MAGI2: variants seen among roughly 807,000 people sequenced by gnomAD.
MAGI2 encodes the protein membrane associated guanylate kinase, WW and PDZ domain containing 2.
MAGI2 carries 35 observed loss-of-function variants against 133.3 expected under a neutral mutation model. The ratio of observed to expected loss-of-function variants is 0.26; its 90% CI spans 0.20 to 0.35. The LOEUF (loss-of-function observed/expected upper bound fraction) is 0.35. MAGI2 is among the 10% of genes least tolerant of loss of function. MAGI2 has a pLI of 1.00. For synonymous variants in MAGI2, 729 were observed against 710.6 expected (o/e 1.03, Z -0.41); for missense variants, 1,636 against 1,863.4 (o/e 0.88, Z 2.25).
chr7:78,465,772 T>C (rs1453438605), intron 6 of MAGI2, among the ~76,000 whole-genome samples: 2 of 152,182 alleles, frequency 1.3e-5, no homozygotes, highest in East Asian at 3.9e-4. Context: ...AAATATTAGC[T>C]AGCTCCATCA....
rs186531983 is a variant in MAGI2, at chr7:78,432,126, A to G, written c.1045+57635T>C. Among the ~76,000 whole-genome samples the G allele has an allele frequency of 2.5e-3, 374 of 151,592 alleles. 2 individuals carry two copies. Among genetic ancestry groups the G allele is most frequent in the African/African-American group, 8.7e-3 (359 of 41,416 alleles). Reference sequence around the variant, plus strand: ...AGTAGGTTTAAATATTAAATTATTAATTTTTTTTATCTGACAGCAAATTTG... The same window carrying G: ...AGTAGGTTTAAATATTAAATTATTAGTTTTTTTTATCTGACAGCAAATTTG... On this transcript the variant is annotated intron_variant, in intron 6 of 21. Coordinates refer to ENST00000354212, the MANE Select transcript of MAGI2 (RefSeq NM_012301.4).
chr7:78,145,446 A>G lies in MAGI2; in HGVS notation c.2846-10240T>C, dbSNP rs558115925. Among the ~76,000 whole-genome samples the G allele has an allele frequency of 3.3e-5, 5 of 151,808 alleles. No individual in the cohort carries two copies. In the East Asian group the frequency reaches 9.7e-4, roughly 29 times the overall value. ...GAACCTTTATTATACTATTTCTTTG[A>G]TAATTTCCATTCTGTTTTTCTGGTC... is the stretch of plus-strand genomic sequence containing the variant. On this transcript the variant is annotated intron_variant, in intron 16 of 21. Transcript: ENST00000354212.
chr7:79,393,446 TA>T (rs1376474771), intron 1 of MAGI2, among the ~76,000 whole-genome samples: 1 of 152,184 alleles, frequency 6.6e-6, no homozygotes, highest in African/African-American at 2.4e-5. Context: ...TAGAACTCTA[TA>T]ACATTTTATT....
chr7:78,184,588 T>A (rs1357618408), intron 13 of MAGI2: 3 of 152,132 alleles, frequency 2.0e-5, no homozygotes, highest in African/African-American at 7.2e-5. Context: ...CCGCAATTGT[T>A]TGAGTATTCT....
At chr7:78,757,472 T>A (rs758843114) in intron 2 of MAGI2, among the ~76,000 whole-genome samples, 1 of 152,186 alleles carries the variant, frequency 6.6e-6, no homozygotes, top group Non-Finnish European at 1.5e-5. Flanking sequence ...TATTTCTTCT[T>A]TTTATGGTAA....
chr7:78,334,723 G>A lies in MAGI2; in HGVS notation c.1408+9055C>T, dbSNP rs180736782. The stretch of plus-strand genomic sequence containing the variant: ...GCAGTCGTAGCCCAGGCATATCCAC[G>A]GGGCATATGATGCGGATTCTGACTT... On this transcript the variant is annotated intron_variant, in intron 9 of 21. Coordinates refer to ENST00000354212, the MANE Select transcript of MAGI2 (RefSeq NM_012301.4). 4.6e-5 allele frequency among the ~76,000 whole-genome samples: 7 copies of A among 152,232 alleles called. No homozygotes were observed. The South Asian group carries it at 6.2e-4, about 14-fold the overall frequency.
chr7:79,209,820 C>G (rs1829357770), intron 1 of MAGI2, among the ~76,000 whole-genome samples: 1 of 152,042 alleles, frequency 6.6e-6, no homozygotes, highest in Non-Finnish European at 1.5e-5. Context: ...CTCTATAAGA[C>G]TGTTAGCCTT....
chr7:78,453,663 G>C (rs776805225), intron 6 of MAGI2, among the ~76,000 whole-genome samples: 2 of 152,122 alleles, frequency 1.3e-5, no homozygotes, highest in Non-Finnish European at 2.9e-5. Flanking sequence ...GTGCAATGCT[G>C]AACAGTTATC....
At chr7:79,391,774 T>A (rs1844672765) in intron 1 of MAGI2, among the ~76,000 whole-genome samples, 1 of 151,820 alleles carries the variant, frequency 6.6e-6, no homozygotes, top group Non-Finnish European at 1.5e-5. Flanking sequence ...AAGCTCCGCC[T>A]CCTGGTTCAC....
chr7:78,545,626 T>A (rs534103791), intron 3 of MAGI2, among the ~76,000 whole-genome samples: 1 of 152,348 alleles, frequency 6.6e-6, no homozygotes, highest in East Asian at 1.9e-4. Flanking sequence ...TGCTAACCGC[T>A]ATTTAATGAC....
rs545023679 is a variant in MAGI2 at position 78,970,376 on chromosome 7, A to C, written c.418+36714T>G. ...ACTTGCCTATGTCTTATTTTGCTTG[A>C]TAAATATCTCTTGTTCATAATGATC... is the stretch of plus-strand genomic sequence containing the variant. On this transcript the variant is annotated intron_variant, in intron 2 of 21. Coordinates refer to ENST00000354212, the MANE Select transcript of MAGI2 (RefSeq NM_012301.4). Among the ~76,000 whole-genome samples the C allele has an allele frequency of 6.8e-4, 104 of 152,144 alleles. 2 individuals are homozygous for C. In the South Asian group the frequency reaches 0.013, roughly 19 times the overall value.
intron 2 of MAGI2, among the ~76,000 whole-genome samples, chr7:78,718,038 A>G (rs1159125766): frequency 1.3e-5 from 2 of 152,140 alleles, no homozygotes; most frequent in Non-Finnish European, 2.9e-5. Flanking sequence ...TCTTTATTTA[A>G]CAAGGGTGGA....
At chr7:78,551,802 C>T (rs375667146) in intron 3 of MAGI2, among the ~76,000 whole-genome samples, 94 of 152,076 alleles carry the variant, frequency 6.2e-4, no homozygotes, top group African/African-American at 2.0e-3. Context: ...TGGAGGGCAG[C>T]GGTGCGAACC....
At chr7:78,962,611 T>G (rs1157460311) in intron 2 of MAGI2, among the ~76,000 whole-genome samples, 1 of 149,820 alleles carries the variant, frequency 6.7e-6, no homozygotes, top group Non-Finnish European at 1.5e-5. Flanking sequence ...ACTGGAAAAT[T>G]GTAGAAAAAA....
chr7:78,371,922 TAGAA>T, intron 6 of MAGI2, among the ~76,000 whole-genome samples: 1 of 152,198 alleles, frequency 6.6e-6, no homozygotes, highest in Non-Finnish European at 1.5e-5. Flanking sequence ...AACTTTCTGT[TAGAA>T]AGAGCACCAT....
At chr7:78,967,523 C>T (rs990391059) in intron 2 of MAGI2, among the ~76,000 whole-genome samples, 1 of 151,838 alleles carries the variant, frequency 6.6e-6, no homozygotes, top group Admixed American at 6.6e-5. Context: ...ATTGCCAAGA[C>T]CAATGCTAGA....
intron 2 of MAGI2, among the ~76,000 whole-genome samples, chr7:78,686,906 T>C (rs559725735): frequency 3.3e-5 from 5 of 152,224 alleles, no homozygotes; most frequent in Non-Finnish European, 7.3e-5. Context: ...TACTAAGTTC[T>C]AACACCAGTA....
chr7:78,969,188 G>C (rs930510758), intron 2 of MAGI2, among the ~76,000 whole-genome samples: 5 of 151,982 alleles, frequency 3.3e-5, no homozygotes, highest in African/African-American at 1.2e-4. Context: ...GGTAGTAGCT[G>C]TATTTGCACA....
intron 1 of MAGI2, among the ~76,000 whole-genome samples, chr7:79,319,383 T>C (rs1044347953): frequency 4.6e-5 from 7 of 152,188 alleles, no homozygotes; most frequent in Admixed American, 3.9e-4. Context: ...GTTTTACTTC[T>C]TCTTTAGTAA....
Sources: gnomAD v4.1 joint callset for allele counts (sites outside exome capture counted in the v4.1 genomes callset) on GRCh38, gnomAD v4.1.1 for gene constraint, MANE v1.5 for transcripts, NCBI Gene and HGNC (gene_info 2026-07-23, HGNC 2026-07-21) for gene names.